The following FGGY variants were observed in gnomAD, a reference collection of about 807,000 sequenced individuals.
The protein encoded by FGGY is FGGY carbohydrate kinase domain containing, also known as FGGY carbohydrate kinase domain-containing protein.
FGGY carries 72 observed loss-of-function variants against 71.3 expected under a neutral mutation model. That is an observed-to-expected ratio of 1.01 (90% confidence interval 0.84 to 1.23). The LOEUF (loss-of-function observed/expected upper bound fraction) is 1.23. FGGY is among the 50% of genes most tolerant of loss of function. The pLI is 0.00. For synonymous variants in FGGY, 251 were observed against 250.3 expected, an observed-to-expected ratio of 1.00 and a Z score of -0.02; for missense variants, 668 against 682.3, an observed-to-expected ratio of 0.98 and a Z score of 0.23.
At chr1:59,697,300 T>A (rs1216176369) in intron 14 of FGGY, among the ~76,000 whole-genome samples, 1 of 152,222 alleles carries the variant, frequency 6.6e-6, no homozygotes, top group Admixed American at 6.5e-5. Flanking sequence ...TCTCCGGAAC[T>A]CTTTTCATCT....
chr1:59,536,841 A>G (rs1323595715), intron 7 of FGGY, among the ~76,000 whole-genome samples: 23 of 152,192 alleles, frequency 1.5e-4, no homozygotes, highest in Admixed American at 1.3e-3. Context: ...TTGATGGGAC[A>G]TATTTCAAAA....
chr1:59,499,564 A>G (rs1209969417), intron 6 of FGGY, among the ~76,000 whole-genome samples: 1 of 152,152 alleles, frequency 6.6e-6, no homozygotes, highest in Non-Finnish European at 1.5e-5. Flanking sequence ...GAAACTGCAG[A>G]TAAGGGGAGA....
intron 13 of FGGY, among the ~76,000 whole-genome samples, chr1:59,668,002 TGATTGCA>T (rs2097340870): frequency 6.6e-6 from 1 of 152,138 alleles, no homozygotes; most frequent in Non-Finnish European, 1.5e-5. Flanking sequence ...TCTGTGGGTA[TGATTGCA>T]GACTGGGAAT....
At chr1:59,686,352 G>A (rs1405343928) in intron 14 of FGGY, among the ~76,000 whole-genome samples, 4 of 152,132 alleles carry the variant, frequency 2.6e-5, no homozygotes, top group South Asian at 2.1e-4. Flanking sequence ...TGAAGCACCC[G>A]TCAATCGAGA....
intron 14 of FGGY, among the ~76,000 whole-genome samples, chr1:59,712,807 A>G (rs921710880): frequency 6.6e-6 from 1 of 152,208 alleles, no homozygotes; most frequent in African/African-American, 2.4e-5. Flanking sequence ...AGGGGCTGCC[A>G]TGAAGACCTG....
intron 6 of FGGY, among the ~76,000 whole-genome samples, chr1:59,460,594 G>A (rs1285101730): frequency 1.3e-5 from 2 of 152,238 alleles, no homozygotes; most frequent in Non-Finnish European, 2.9e-5. Flanking sequence ...TGGACAGACT[G>A]CCTCCTCAAG....
intron 6 of FGGY, among the ~76,000 whole-genome samples, chr1:59,476,046 T>C (rs759219026): frequency 3.3e-5 from 5 of 152,238 alleles, no homozygotes; most frequent in Non-Finnish European, 7.3e-5. Context: ...ACCTTCTTTT[T>C]GTCCCTCAGA....
Position 59,489,905 on chromosome 1 carries a change from A to G in FGGY, c.671-22406A>G, listed in dbSNP as rs547948628. Reference sequence around the variant, plus strand: ...TTTTTGTCTTATTTTGATAATCACTATCCTAACTGGGATAAGATGATATCT... The same window carrying G: ...TTTTTGTCTTATTTTGATAATCACTGTCCTAACTGGGATAAGATGATATCT... On this transcript the variant is annotated intron_variant, in intron 6 of 15. Transcript: ENST00000303721. Among the ~76,000 whole-genome samples, 5 of 152,214 alleles carry G rather than the reference A, an allele frequency of 3.3e-5. No homozygotes were observed. In the South Asian group the frequency reaches 1.0e-3, roughly 32 times the overall value.
chr1:59,635,813 A>G (rs982598920), intron 10 of FGGY, among the ~76,000 whole-genome samples: 24 of 152,208 alleles, frequency 1.6e-4, no homozygotes, highest in African/African-American at 5.8e-4. Context: ...AAGCCATAAT[A>G]GAATCATTCT....
At chr1:59,586,217 T>C (rs748010940) in intron 8 of FGGY, among the ~76,000 whole-genome samples, 2 of 152,186 alleles carry the variant, frequency 1.3e-5, no homozygotes, top group African/African-American at 2.4e-5. Flanking sequence ...ACACATATGT[T>C]TATTGTGGCA....
At position 59,644,543 on chromosome 1, in the gene FGGY, T is replaced by G. The variant is rs74086269; in HGVS notation, c.1221+6168T>G. Among the ~76,000 whole-genome samples, 529 of 152,034 alleles carry G rather than the reference T, an allele frequency of 3.5e-3. 4 individuals carry two copies. Among genetic ancestry groups the G allele is most frequent in the African/African-American group, 0.012 (506 of 41,440 alleles). On this transcript the variant is annotated intron_variant, in intron 11 of 15. Coordinates refer to ENST00000303721, the MANE Select transcript of FGGY (RefSeq NM_018291.5). ...ATACGATTATTTAAAAGAAGCAGAATCTTAAGTAATAACAGTCGGTCTCAA... is the reference window on the plus strand; with the variant it reads ...ATACGATTATTTAAAAGAAGCAGAAGCTTAAGTAATAACAGTCGGTCTCAA...
chr1:59,462,610 A>G (rs2092324771), intron 6 of FGGY, among the ~76,000 whole-genome samples: 1 of 152,226 alleles, frequency 6.6e-6, no homozygotes, highest in African/African-American at 2.4e-5. Context: ...CAAATTTACA[A>G]GGAAAAAACA....
chr1:59,491,538 G>T (rs1477777118), intron 6 of FGGY, among the ~76,000 whole-genome samples: 2 of 151,914 alleles, frequency 1.3e-5, no homozygotes, highest in African/African-American at 4.8e-5. Context: ...AAATGCTACT[G>T]ATTTTTCATG....
At chr1:59,753,777 T>C (rs1414811239) in intron 14 of FGGY, among the ~76,000 whole-genome samples, 21 of 152,020 alleles carry the variant, frequency 1.4e-4, no homozygotes, top group Admixed American at 1.4e-3. Context: ...TGAGATAGAA[T>C]ACAAAATTAT....
intron 2 of FGGY, among the ~76,000 whole-genome samples, chr1:59,338,884 T>C (rs889306674): frequency 5.9e-5 from 9 of 152,206 alleles, no homozygotes; most frequent in African/African-American, 2.2e-4. Context: ...TCATTAATTA[T>C]ATTGTTAGAA....
chr1:59,726,189 A>G (rs764337891), intron 14 of FGGY, among the ~76,000 whole-genome samples: 20 of 152,134 alleles, frequency 1.3e-4, no homozygotes, highest in Non-Finnish European at 2.2e-4. Flanking sequence ...ACATGATTAT[A>G]TAATTGTTTT....
At chr1:59,475,300 C>A (rs1332189445) in intron 6 of FGGY, among the ~76,000 whole-genome samples, 2 of 152,096 alleles carry the variant, frequency 1.3e-5, no homozygotes, top group African/African-American at 4.8e-5. Context: ...TTCCTGAATT[C>A]GTCAGGTCCA....
chr1:59,617,330 G>T (rs2096765999), intron 9 of FGGY, among the ~76,000 whole-genome samples: 1 of 151,980 alleles, frequency 6.6e-6, no homozygotes, highest in African/African-American at 2.4e-5. Flanking sequence ...AAAGATATTT[G>T]TCTCATTTTT....
chr1:59,348,748 A>G (rs2052637368), intron 4 of FGGY, among the ~76,000 whole-genome samples: 1 of 152,180 alleles, frequency 6.6e-6, no homozygotes, highest in African/African-American at 2.4e-5. Flanking sequence ...CAATCAAAGC[A>G]GGCTTGGCTT....
Sources: gnomAD v4.1 joint callset for allele counts (sites outside exome capture counted in the v4.1 genomes callset) on GRCh38, gnomAD v4.1.1 for gene constraint, MANE v1.5 for transcripts, NCBI Gene and HGNC (gene_info 2026-07-23, HGNC 2026-07-21) for gene names.